LIPC: variants seen among roughly 807,000 people sequenced by gnomAD.
The protein encoded by LIPC is lipase C, hepatic type, also known as hepatic triacylglycerol lipase.
In LIPC, 44 loss-of-function variants were observed where a neutral mutation model predicts 50.7. That is an observed-to-expected ratio of 0.87 (90% CI 0.68 to 1.11). The LOEUF (loss-of-function observed/expected upper bound fraction) is 1.11, where lower values mean the gene tolerates loss of function less well. Among genes scored for constraint, LIPC ranks in the 50% most tolerant of loss-of-function variants. LIPC has a pLI of 0.00. For synonymous variants in LIPC, 271 were observed against 256.4 expected, an observed-to-expected ratio of 1.06 and a Z score of -0.54; for missense variants, 697 against 648.2, an observed-to-expected ratio of 1.08 and a Z score of -0.82.
In LIPC at chr15:58,560,867, A is replaced by G; in HGVS notation, c.1055A>G (p.Tyr352Cys). The change falls in exon 7 of 9, where the codon TAT becomes TGT. Residue 352 changes from tyrosine (Y) to cysteine (C), a missense_variant. By Grantham distance (194) the Tyr-to-Cys change is radical. Coordinates refer to ENST00000299022, the MANE Select transcript of LIPC (RefSeq NM_000236.3). ...VTRAQSPFKV[Y>C]HYQFKIQFIN... ...CTCTCTCTGTCTCTCTCTCTAGTTT[A>G]TCATTACCAGTTCAAGATCCAGTTC... 9.6e-7 allele frequency: 1 copy of G among 1,043,270 alleles called. No individual in the cohort carries two copies. Among genetic ancestry groups the G allele is most frequent in the Non-Finnish European group, 1.5e-6 (1 of 656,938 alleles). 64.6% of individuals were successfully genotyped at this position (1,043,270 alleles called of 1,614,324 possible).
intron 6 of LIPC, among the ~76,000 whole-genome samples, chr15:58,549,740 T>G (rs1446021956): frequency 1.3e-5 from 2 of 152,100 alleles, no homozygotes; most frequent in African/African-American, 2.4e-5. Context: ...AGAAATTTCT[T>G]GTGGGTGCGC....
chr15:58,504,807 G>A (rs1026696580), intron 1 of LIPC, among the ~76,000 whole-genome samples: 7 of 152,166 alleles, frequency 4.6e-5, no homozygotes, highest in African/African-American at 7.2e-5. Context: ...CTCTAAGCAC[G>A]ACCCAGTGTG....
At chr15:58,525,428 A>T (rs1892773547) in intron 1 of LIPC, among the ~76,000 whole-genome samples, 4 of 152,340 alleles carry the variant, frequency 2.6e-5, no homozygotes, top group African/African-American at 9.6e-5. Flanking sequence ...ATTTACTGGC[A>T]AGCTGAGCTC....
chr15:58,507,734 G>A (rs1256106443), intron 1 of LIPC, among the ~76,000 whole-genome samples: 2 of 152,212 alleles, frequency 1.3e-5, no homozygotes, highest in Non-Finnish European at 2.9e-5. Context: ...AAAGCTCACT[G>A]AAAACTCACA....
chr15:58,555,769 G>A (rs1262430836), intron 6 of LIPC, among the ~76,000 whole-genome samples: 1 of 152,198 alleles, frequency 6.6e-6, no homozygotes, highest in Non-Finnish European at 1.5e-5. Context: ...AGCCAGGGAA[G>A]GGACTAGCTG....
At chr15:58,558,653 T>C (rs1246951284) in intron 6 of LIPC, among the ~76,000 whole-genome samples, 17 of 4,552 alleles carry the variant, frequency 3.7e-3, no homozygotes, top group African/African-American at 5.6e-3. Flanking sequence ...TAATGCCTGA[T>C]GATCTGAGGT....
At chr15:58,433,063 C>T (rs1404071999) in intron 1 of LIPC, among the ~76,000 whole-genome samples, 3 of 152,162 alleles carry the variant, frequency 2.0e-5, no homozygotes, top group African/African-American at 7.2e-5. Context: ...AACTGAGTAG[C>T]AGTATTAATT....
In LIPC at chr15:58,541,957, G is replaced by T. The variant is rs373392911; in HGVS notation, c.446G>T (p.Arg149Leu). 71 of 1,608,064 alleles carry T rather than the reference G, an allele frequency of 4.4e-5. No individual in the cohort carries two copies. The highest frequency in any genetic ancestry group is 5.8e-5 in the Non-Finnish European group (68 of 1,178,828). ...LVGKEVAALL[R>L]WLEESVQLSR... ...GGCAAGGAGGTCGCGGCTCTTCTCCGGTGGCTGGAGGTACCGACCTGCCCC... is the reference window on the plus strand; with the variant it reads ...GGCAAGGAGGTCGCGGCTCTTCTCCTGTGGCTGGAGGTACCGACCTGCCCC... The change falls in exon 3 of 9, where the codon CGG (arginine) becomes CTG (leucine). Residue 149 changes from arginine to leucine, a missense_variant. Physicochemically the swap from Arg to Leu is moderately radical, Grantham distance 102. Coordinates refer to ENST00000299022, the MANE Select transcript of LIPC (RefSeq NM_000236.3).
At chr15:58,508,242 G>T (rs527605765) in intron 1 of LIPC, among the ~76,000 whole-genome samples, 7 of 152,142 alleles carry the variant, frequency 4.6e-5, no homozygotes, top group East Asian at 1.9e-4. Context: ...GGCCAAGGGT[G>T]GGGGGTAGGG....
chr15:58,566,549 G>A (rs1745224503), intron 8 of LIPC: 23 of 677,100 alleles, frequency 3.4e-5, no homozygotes, highest in Middle Eastern at 7.1e-4. Context: ...CTCTACACTC[G>A]TAATATCGCT....
intron 8 of LIPC, among the ~76,000 whole-genome samples, chr15:58,567,842 A>G (rs1219897883): frequency 5.3e-5 from 8 of 152,212 alleles, no homozygotes; most frequent in African/African-American, 1.7e-4. Context: ...CCAAATCATA[A>G]ATGTAGAGAG....
At chr15:58,536,606 A>T (rs2140902444) in intron 1 of LIPC, among the ~76,000 whole-genome samples, 1 of 152,254 alleles carries the variant, frequency 6.6e-6, no homozygotes, top group African/African-American at 2.4e-5. Context: ...TCTGACTTAG[A>T]CAGGAGGGCA....
At chr15:58,438,853 A>T (rs977333690) in intron 1 of LIPC, among the ~76,000 whole-genome samples, 6 of 152,214 alleles carry the variant, frequency 3.9e-5, no homozygotes, top group Admixed American at 6.5e-5. Context: ...TTTCCTTCCC[A>T]CTTAGGGGTC....
chr15:58,435,597 G>GC (rs1164813939), intron 1 of LIPC: 1 of 152,206 alleles, frequency 6.6e-6, no homozygotes, highest in Admixed American at 6.5e-5. Context: ...AAGCTGATCT[G>GC]CCTGTCATTA....
At chr15:58,477,017 C>T (rs1280460933) in intron 1 of LIPC, among the ~76,000 whole-genome samples, 1 of 152,182 alleles carries the variant, frequency 6.6e-6, no homozygotes. Flanking sequence ...TGTTAAGCTG[C>T]CTTCCCACTT....
At chr15:58,528,446 A>G (rs1403489556) in intron 1 of LIPC, among the ~76,000 whole-genome samples, 1 of 152,244 alleles carries the variant, frequency 6.6e-6, no homozygotes, top group Non-Finnish European at 1.5e-5. Context: ...TAACTAGCCC[A>G]AGGTCACACA....
At chr15:58,433,472 C>T (rs762656478) in intron 1 of LIPC, among the ~76,000 whole-genome samples, 8 of 152,170 alleles carry the variant, frequency 5.3e-5, no homozygotes, top group African/African-American at 1.4e-4. Flanking sequence ...TGCTCTTTTG[C>T]GTCTGGCTTC....
intron 1 of LIPC, among the ~76,000 whole-genome samples, chr15:58,440,189 T>C (rs781405728): frequency 9.2e-5 from 14 of 152,238 alleles, no homozygotes; most frequent in Non-Finnish European, 1.6e-4. Flanking sequence ...TTACTTGTAA[T>C]TGGTAGAAAA....
chr15:58,466,284 G>A (rs1418693666), intron 1 of LIPC, among the ~76,000 whole-genome samples: 1 of 152,224 alleles, frequency 6.6e-6, no homozygotes, highest in Non-Finnish European at 1.5e-5. Flanking sequence ...GACTCATAGA[G>A]AGTGATTAGA....
Sources: gnomAD v4.1 joint callset for allele counts (sites outside exome capture counted in the v4.1 genomes callset) on GRCh38, gnomAD v4.1.1 for gene constraint, MANE v1.5 for transcripts, NCBI Gene and HGNC (gene_info 2026-07-23, HGNC 2026-07-21) for gene names.